PPP3CC: variants seen among roughly 807,000 people sequenced by gnomAD.
The protein encoded by PPP3CC is serine/threonine-protein phosphatase 2B catalytic subunit gamma isoform.
PPP3CC carries 35 observed loss-of-function variants against 60.3 expected under a neutral mutation model. The observed-to-expected ratio is 0.58, with a 90% CI of 0.44 to 0.77. The LOEUF (loss-of-function observed/expected upper bound fraction) is 0.77, where lower values mean the gene tolerates loss of function less well. Ranked by LOEUF, PPP3CC falls within the 30% of genes least tolerant of loss-of-function variation. PPP3CC has a pLI of 0.00. For synonymous variants in PPP3CC, 206 were observed against 224.3 expected, an observed-to-expected ratio of 0.92 and a Z score of 0.73; for missense variants, 570 against 628.9, an observed-to-expected ratio of 0.91 and a Z score of 1.00.
chr8:22,475,570 C>T lies in PPP3CC; in HGVS notation c.318C>T (p.Asn106=). The T allele has an allele frequency of 6.2e-7, 1 of 1,612,928 alleles. No homozygotes were observed. The highest frequency in any genetic ancestry group is 1.3e-5 in the African/African-American group (1 of 75,014). ...KLFEVGGSPS[N]TRYLFLGDYV... is the part of the protein sequence containing the mutation. ...TTGAAGTTGGAGGATCACCTAGTAA[C>T]ACACGCTACCTCTTTCTGGGTGACT... Residue 106 remains asparagine, a synonymous_variant, in exon 3 of 14, where the codon AAC becomes AAT. Coordinates refer to ENST00000240139, the MANE Select transcript of PPP3CC (RefSeq NM_005605.5).
rs1006173746 is a variant in PPP3CC at position 22,450,212 on chromosome 8, A to G, written c.49+8754A>G. Among the ~76,000 whole-genome samples, 7 of 152,092 alleles carry G rather than the reference A, an allele frequency of 4.6e-5. No individual in the cohort carries two copies. The South Asian group carries it at 6.2e-4, about 14-fold the overall frequency. ...AAACCCAAAACAAATAGACTTATAA[A>G]CCTATTCTGAAATCATAGAAAATCC... On this transcript the variant is annotated intron_variant, in intron 1 of 13. Coordinates refer to ENST00000240139, the MANE Select transcript of PPP3CC (RefSeq NM_005605.5).
intron 6 of PPP3CC, among the ~76,000 whole-genome samples, chr8:22,515,700 T>G (rs1258964590): frequency 6.6e-6 from 1 of 152,230 alleles, no homozygotes; most frequent in Non-Finnish European, 1.5e-5. Flanking sequence ...AGTTTTGATT[T>G]GCATTTCTCT....
rs1312697913 is a variant in PPP3CC at position 22,441,154 on chromosome 8, C to G, written c.-256C>G. 1.9e-5 allele frequency: 7 copies of G among 370,672 alleles called. No homozygotes were observed. The highest frequency in any genetic ancestry group is 1.2e-4 in the East Asian group (3 of 24,906). 23.0% of individuals were successfully genotyped at this position (370,672 alleles called of 1,614,324 possible). On this transcript the variant is annotated 5_prime_UTR_variant, in exon 1 of 14. Coordinates refer to ENST00000240139, the MANE Select transcript of PPP3CC (RefSeq NM_005605.5). ...CCTTAGCAGCGGTCGCGGTCGGTGC[C>G]GAAGCGGTGTTCCCCGCCTTAGCCG...
intron 1 of PPP3CC, among the ~76,000 whole-genome samples, chr8:22,445,645 G>A (rs946438529): frequency 4.6e-5 from 7 of 152,084 alleles, no homozygotes; most frequent in Non-Finnish European, 8.8e-5. Context: ...CATGGAAATG[G>A]TTTTAGAGTG....
At chr8:22,469,012 T>C (rs1193648285) in intron 1 of PPP3CC, among the ~76,000 whole-genome samples, 18 of 152,158 alleles carry the variant, frequency 1.2e-4, no homozygotes, top group Non-Finnish European at 2.6e-4. Flanking sequence ...ACTGAGTATC[T>C]ACCCAAAGGA....
chr8:22,463,413 C>G (rs938274304), intron 1 of PPP3CC, among the ~76,000 whole-genome samples: 1 of 152,154 alleles, frequency 6.6e-6, no homozygotes, highest in Non-Finnish European at 1.5e-5. Flanking sequence ...GATAAGTCTT[C>G]CACAAGGCTC....
intron 1 of PPP3CC, among the ~76,000 whole-genome samples, chr8:22,442,939 G>A (rs1419329735): frequency 1.3e-5 from 2 of 152,110 alleles, no homozygotes; most frequent in Non-Finnish European, 2.9e-5. Context: ...TCTCTCTCCA[G>A]TACTGTTTTC....
intron 12 of PPP3CC, among the ~76,000 whole-genome samples, chr8:22,533,476 A>C (rs1170816895): frequency 6.6e-6 from 1 of 152,268 alleles, no homozygotes; most frequent in Admixed American, 6.5e-5. Flanking sequence ...AGGAAAAAAC[A>C]AATTTCAAAA....
intron 1 of PPP3CC, among the ~76,000 whole-genome samples, chr8:22,464,525 G>C (rs1231146760): frequency 6.6e-6 from 1 of 151,934 alleles, no homozygotes; most frequent in African/African-American, 2.4e-5. Flanking sequence ...GACTATAGGT[G>C]TGCACCACCA....
At chr8:22,473,711 AC>A (rs1229874734) in intron 1 of PPP3CC, among the ~76,000 whole-genome samples, 3 of 151,764 alleles carry the variant, frequency 2.0e-5, no homozygotes, top group Non-Finnish European at 4.4e-5. Context: ...TGATCCACCT[AC>A]CTTGGCCTCC....
chr8:22,462,878 A>C (rs1444481335), intron 1 of PPP3CC, among the ~76,000 whole-genome samples: 1 of 152,204 alleles, frequency 6.6e-6, no homozygotes, highest in African/African-American at 2.4e-5. Context: ...AAGATCACAC[A>C]CTTGGCATCT....
intron 6 of PPP3CC, among the ~76,000 whole-genome samples, chr8:22,520,427 T>A (rs888809600): frequency 1.3e-5 from 2 of 152,202 alleles, no homozygotes; most frequent in African/African-American, 4.8e-5. Context: ...TTTCTTCTCC[T>A]TAACTCCCAT....
intron 3 of PPP3CC, among the ~76,000 whole-genome samples, chr8:22,482,849 A>G (rs1838109287): frequency 6.6e-6 from 1 of 152,190 alleles, no homozygotes; most frequent in Admixed American, 6.6e-5. Context: ...AGTAGAGGAA[A>G]ACATAGCTTT....
intron 1 of PPP3CC, among the ~76,000 whole-genome samples, chr8:22,458,110 CA>C (rs201832368): frequency 6.6e-6 from 1 of 151,230 alleles, no homozygotes; most frequent in Non-Finnish European, 1.5e-5. Flanking sequence ...ACAAAAAAAA[CA>C]AAAAAAACAC....
chr8:22,460,608 C>G (rs979797684), intron 1 of PPP3CC, among the ~76,000 whole-genome samples: 7 of 151,952 alleles, frequency 4.6e-5, no homozygotes, highest in Admixed American at 3.3e-4. Context: ...CTGCTTGAAG[C>G]CAGGAGTTTG....
chr8:22,461,386 T>C (rs1837358338), intron 1 of PPP3CC, among the ~76,000 whole-genome samples: 1 of 152,188 alleles, frequency 6.6e-6, no homozygotes, highest in African/African-American at 2.4e-5. Flanking sequence ...CAAAACACTC[T>C]GATTCCTGGG....
At chr8:22,458,185 T>A (rs1285481927) in intron 1 of PPP3CC, among the ~76,000 whole-genome samples, 1 of 152,240 alleles carries the variant, frequency 6.6e-6, no homozygotes, top group Admixed American at 6.5e-5. Context: ...AGGTACCAGA[T>A]AAACATTTAG....
chr8:22,533,319 G>T (rs1233664474), intron 12 of PPP3CC, among the ~76,000 whole-genome samples: 1 of 152,130 alleles, frequency 6.6e-6, no homozygotes, highest in Non-Finnish European at 1.5e-5. Context: ...AAAGCCAGTT[G>T]AATTTCATTA....
chr8:22,496,090 G>C (rs2469746), intron 3 of PPP3CC, among the ~76,000 whole-genome samples: 71,939 of 149,980 alleles, frequency 0.48, 17,120 homozygotes, highest in East Asian at 0.61. Flanking sequence ...CTAACTTTAT[G>C]TTTTTTTTTT....
Sources: gnomAD v4.1 joint callset for allele counts (sites outside exome capture counted in the v4.1 genomes callset) on GRCh38, gnomAD v4.1.1 for gene constraint, MANE v1.5 for transcripts, NCBI Gene and HGNC (gene_info 2026-07-23, HGNC 2026-07-21) for gene names.